XXYLT1: variants seen among roughly 807,000 people sequenced by gnomAD.
XXYLT1 encodes the protein UDP-xylose:alpha-xyloside alpha-1,3-xylosyltransferase.
A neutral mutation model predicts 28.9 loss-of-function variants in XXYLT1; 20 were observed. The observed-to-expected ratio is 0.69, with a 90% CI of 0.49 to 1.00. The LOEUF is 1.00. Among genes scored for constraint, XXYLT1 ranks in the 50% least tolerant of loss-of-function variants. XXYLT1 has a pLI of 0.00. For synonymous variants in XXYLT1, 257 were observed against 253.8 expected (o/e 1.01, Z -0.12); for missense variants, 542 against 560.1 (o/e 0.97, Z 0.33).
intron 3 of XXYLT1, among the ~76,000 whole-genome samples, chr3:195,088,409 C>T (rs1212806680): frequency 1.4e-5 from 2 of 146,054 alleles, no homozygotes; most frequent in African/African-American, 2.5e-5. Context: ...TGGGAGGCAC[C>T]CCCCAGCGGG....
At position 195,270,554 on chromosome 3, in the gene XXYLT1, C is replaced by A; in HGVS notation, c.504+1G>T. On this transcript the variant is annotated splice_donor_variant, in intron 1 of 3. Transcript: ENST00000310380. LOFTEE classifies it high-confidence loss of function. ...GGAGCCCCCAGCCGCGGCCCGCTCA[C>A]CTTGCACTTGAAGCCAGCGGCGGGC... 7.2e-7 allele frequency: 1 copy of A among 1,392,690 alleles called. No homozygotes were observed. Among genetic ancestry groups the A allele is most frequent in the Non-Finnish European group, 9.3e-7 (1 of 1,076,610 alleles). 86.3% of individuals were successfully genotyped at this position (1,392,690 alleles called of 1,614,324 possible). A position where few individuals can be genotyped will look rare whatever the true frequency, so the allele number is the denominator to read the frequency against.
chr3:195,180,360 C>T lies in XXYLT1; in HGVS notation c.653-23779G>A, dbSNP rs537380504. ...AGCCACAAAGGTCTGGATGGTTTAT[C>T]CCCCTGGCCCGCCTGGCCCTCAAGA... On this transcript the variant is annotated intron_variant, in intron 2 of 3. Coordinates refer to ENST00000310380, the MANE Select transcript of XXYLT1 (RefSeq NM_152531.5). This position sits in a 1 kb window ranked among gnomAD's most constrained non-coding sequence, Gnocchi z 5.8. 1.0e-4 allele frequency: 102 copies of T among 985,380 alleles called. No individual in the cohort carries two copies. Among genetic ancestry groups the T allele is most frequent in the Non-Finnish European group, 1.2e-4 (98 of 829,998 alleles). 61.0% of individuals were successfully genotyped at this position (985,380 alleles called of 1,614,324 possible). A position where few individuals can be genotyped will look rare whatever the true frequency, so the allele number is the denominator to read the frequency against.
At chr3:195,212,972 C>T (rs1723393956) in intron 2 of XXYLT1, among the ~76,000 whole-genome samples, 1 of 152,256 alleles carries the variant, frequency 6.6e-6, no homozygotes, top group Non-Finnish European at 1.5e-5. Flanking sequence ...TCTTCAACAA[C>T]TCCATCCCCG....
chr3:195,243,584 G>A (rs1724876127), intron 1 of XXYLT1, among the ~76,000 whole-genome samples: 1 of 152,154 alleles, frequency 6.6e-6, no homozygotes, highest in Non-Finnish European at 1.5e-5. Flanking sequence ...GTGATAGACG[G>A]GTAGAGCCAC....
chr3:195,149,408 A>C (rs927197818), intron 3 of XXYLT1, among the ~76,000 whole-genome samples: 1 of 152,248 alleles, frequency 6.6e-6, no homozygotes, highest in Non-Finnish European at 1.5e-5. Flanking sequence ...GGCCAGGAAC[A>C]GAACAGAAAC....
intron 2 of XXYLT1, among the ~76,000 whole-genome samples, chr3:195,202,109 G>C (rs962846793): frequency 6.6e-6 from 1 of 152,110 alleles, no homozygotes; most frequent in African/African-American, 2.4e-5. Flanking sequence ...CCTGGGAGGT[G>C]GAGGTTGCAG....
chr3:195,181,124 T>C (rs1263584704), intron 2 of XXYLT1, among the ~76,000 whole-genome samples: 4 of 152,216 alleles, frequency 2.6e-5, no homozygotes, highest in Admixed American at 2.6e-4. Context: ...GGTAATTTAT[T>C]TGAGAAGTCG....
At chr3:195,159,433 C>T (rs1720759576) in intron 2 of XXYLT1, among the ~76,000 whole-genome samples, 3 of 152,312 alleles carry the variant, frequency 2.0e-5, no homozygotes, top group Non-Finnish European at 2.9e-5. Context: ...TTAGCCCCGT[C>T]ACCTCCAACC....
In XXYLT1 at chr3:195,101,298, C is replaced by T. The variant is rs112261416; in HGVS notation, c.786-31187G>A. 3.3e-5 allele frequency among the ~76,000 whole-genome samples: 5 copies of T among 152,364 alleles called. No individual in the cohort carries two copies. In the South Asian group the frequency reaches 1.0e-3, roughly 32 times the overall value. ...ATGTACTAGTTAATTAAACACTGTACCCCCACTGCCACCTTCATCAAAATC... is the reference window on the plus strand; with the variant it reads ...ATGTACTAGTTAATTAAACACTGTATCCCCACTGCCACCTTCATCAAAATC... On this transcript the variant is annotated intron_variant, in intron 3 of 3. Transcript: ENST00000310380.
At chr3:195,249,086 CG>C (rs974682984) in intron 1 of XXYLT1, among the ~76,000 whole-genome samples, 3 of 152,140 alleles carry the variant, frequency 2.0e-5, no homozygotes, top group Non-Finnish European at 2.9e-5. Context: ...AACATGCAGA[CG>C]GAATTGTAGA....
intron 1 of XXYLT1, among the ~76,000 whole-genome samples, chr3:195,242,117 G>T (rs138483605): frequency 2.0e-5 from 3 of 152,290 alleles, no homozygotes; most frequent in Non-Finnish European, 2.9e-5. Flanking sequence ...GCAAATAAAG[G>T]GGCAGAGAGG....
chr3:195,238,258 G>A (rs185670010), intron 1 of XXYLT1, among the ~76,000 whole-genome samples: 16 of 152,118 alleles, frequency 1.1e-4, no homozygotes, highest in Middle Eastern at 3.4e-3. Flanking sequence ...TCTTCCCACC[G>A]TCTGTAATTA....
intron 3 of XXYLT1, chr3:195,094,074 G>C (rs1339377879): frequency 3.2e-5 from 5 of 154,566 alleles, no homozygotes; most frequent in African/African-American, 1.2e-4. Context: ...AATTTCGTGG[G>C]CTGGCTTGCT....
intron 1 of XXYLT1, among the ~76,000 whole-genome samples, chr3:195,252,521 G>A (rs1013249856): frequency 6.6e-6 from 1 of 152,048 alleles, no homozygotes; most frequent in Non-Finnish European, 1.5e-5. Context: ...AAATTAGCAG[G>A]AAAAATTCTT....
chr3:195,179,157 T>C (rs1721820113), intron 2 of XXYLT1, among the ~76,000 whole-genome samples: 2 of 151,936 alleles, frequency 1.3e-5, no homozygotes, highest in African/African-American at 2.4e-5. Flanking sequence ...TTGGGCAATA[T>C]GGTGAAACCC....
chr3:195,077,325 C>T lies in XXYLT1; in HGVS notation c.786-7214G>A, dbSNP rs1715179048. 6.6e-6 allele frequency among the ~76,000 whole-genome samples: 1 copy of T among 152,210 alleles called. No individual in the cohort carries two copies. The highest frequency in any genetic ancestry group is 1.5e-5 in the Non-Finnish European group (1 of 68,024). ...CAATCTCAACCCAGAGGCAGTGCCG[C>T]AATAACATGGATGGAATGGGGAAGA... On this transcript the variant is annotated intron_variant, in intron 3 of 3. Transcript: ENST00000310380. This position sits in a 1 kb window ranked among gnomAD's most constrained non-coding sequence, Gnocchi z 4.8.
intron 2 of XXYLT1, among the ~76,000 whole-genome samples, chr3:195,212,737 GC>G (rs984848466): frequency 4.6e-5 from 7 of 152,104 alleles, no homozygotes; most frequent in African/African-American, 1.7e-4. Flanking sequence ...CCCAAAACCA[GC>G]CCCCAACCAC....
intron 2 of XXYLT1, among the ~76,000 whole-genome samples, chr3:195,179,417 G>T (rs577432143): frequency 1.3e-5 from 2 of 150,350 alleles, no homozygotes; most frequent in Non-Finnish European, 3.0e-5. Flanking sequence ...AAAACACTCT[G>T]ACCCAATTCA....
Position 195,210,471 on chromosome 3 carries a change from A to G in XXYLT1, c.652+16238T>C, listed in dbSNP as rs939642132. On this transcript the variant is annotated intron_variant, in intron 2 of 3. Transcript: ENST00000310380. The surrounding 1 kb of genome is among the most constrained non-coding windows in gnomAD (Gnocchi z 4.8). ...TTGGCTGACGTCCTGGCAAGAAGTA[A>G]TAAGAGCCAGCTGATGCCTTTGACC... 6.6e-6 allele frequency among the ~76,000 whole-genome samples: 1 copy of G among 152,232 alleles called. No homozygotes were observed. The highest frequency in any genetic ancestry group is 6.5e-5 in the Admixed American group (1 of 15,286).
Sources: allele counts gnomAD v4.1 joint callset (sites outside exome capture counted in the v4.1 genomes callset), GRCh38; gene constraint gnomAD v4.1.1; non-coding constraint Gnocchi (gnomAD v3.1); transcripts MANE v1.5; gene names NCBI Gene and HGNC (gene_info 2026-07-23, HGNC 2026-07-21).